Variants in ATIC observed in about 807,000 individuals in gnomAD.
The protein encoded by ATIC is 5-aminoimidazole-4-carboxamide ribonucleotide formyltransferase/IMP cyclohydrolase.
Under a neutral mutation model 72.5 loss-of-function variants are expected in ATIC, and 64 were observed. That is an observed-to-expected ratio of 0.88 (90% CI 0.72 to 1.09). The LOEUF is 1.09. ATIC is among the 50% of genes least tolerant of loss of function. The pLI, the probability that ATIC is intolerant of heterozygous loss-of-function variation, is 0.00. For missense variants in ATIC, 787 were observed against 732.4 expected (o/e 1.07, Z -0.86); for synonymous variants, 281 against 267.1 (o/e 1.05, Z -0.51).
chr2:215,316,738 T>C (rs1012712866), intron 2 of ATIC, among the ~76,000 whole-genome samples: 2 of 152,190 alleles, frequency 1.3e-5, no homozygotes, highest in African/African-American at 4.8e-5. Context: ...GATGCAGTTT[T>C]GCTTCCTGCT....
chr2:215,347,189 G>A (rs1294163059), intron 14 of ATIC: 2 of 507,164 alleles, frequency 3.9e-6, no homozygotes, highest in Non-Finnish European at 7.1e-6. Context: ...CAGCCTTGGT[G>A]TAGGTTTGTA....
chr2:215,343,131 T>A (rs2053037367), intron 12 of ATIC, among the ~76,000 whole-genome samples: 1 of 152,080 alleles, frequency 6.6e-6, no homozygotes, highest in Non-Finnish European at 1.5e-5. Flanking sequence ...TGTCTCTGCA[T>A]CCTTACTAGC....
chr2:215,319,614 A>T, intron 3 of ATIC, 51 bp from the exon 4 acceptor site: 1 of 1,316,238 alleles, frequency 7.6e-7, no homozygotes, highest in Non-Finnish European at 1.1e-6. Context: ...ACATTCCTTA[A>T]TCTGACTTGT....
In ATIC at chr2:215,347,688, T is replaced by A. The variant is rs1469115989; in HGVS notation, c.1503+747T>A. The A allele has an allele frequency of 4.4e-5, 21 of 479,838 alleles. No homozygotes were observed. In the Admixed American group the frequency reaches 5.0e-4, roughly 11 times the overall value. 29.7% of individuals were successfully genotyped at this position (479,838 alleles called of 1,614,324 possible). ...GAATGTAACTGAAGTCCTTAAGATATCTTTTTTTTTTCAACTTTGATACTT... is the reference window on the plus strand; with the variant it reads ...GAATGTAACTGAAGTCCTTAAGATAACTTTTTTTTTTCAACTTTGATACTT... On this transcript the variant is annotated intron_variant, in intron 14 of 15. Transcript: ENST00000236959.
At chr2:215,347,599 C>CT (rs972014577) in intron 14 of ATIC, 46 of 490,950 alleles carry the variant, frequency 9.4e-5, no homozygotes, top group Middle Eastern at 9.1e-4. Context: ...AGCCAATTGA[C>CT]TACCCTCAGT....
intron 7 of ATIC, among the ~76,000 whole-genome samples, chr2:215,329,870 T>G (rs2052870956): frequency 6.6e-6 from 1 of 152,038 alleles, no homozygotes; most frequent in Non-Finnish European, 1.5e-5. Context: ...TCAAGTGATC[T>G]CCTGCCTCAG....
intron 1 of ATIC, 126 bp downstream of exon 1, chr2:215,312,287 C>A: frequency 6.9e-7 from 1 of 1,444,498 alleles, no homozygotes; most frequent in Non-Finnish European, 9.1e-7. Context: ...GCCAGCGTCC[C>A]CGCTCCCCGG....
intron 7 of ATIC, 66 bp from the exon 8 acceptor site, chr2:215,332,316 G>A: frequency 1.3e-6 from 2 of 1,599,878 alleles, no homozygotes; most frequent in South Asian, 1.1e-5. Flanking sequence ...ATTTTTTTGA[G>A]AAGTGTGCAT....
At position 215,338,857 on chromosome 2, in the gene ATIC, GGTGTC is replaced by G. The variant is rs1320892170; in HGVS notation, c.1180_1184del (p.Val394ArgfsTer6). 2.5e-6 allele frequency: 4 copies of G among 1,613,674 alleles called. No homozygotes were observed. In the African/African-American group the frequency reaches 5.3e-5, roughly 22 times the overall value. ...TCATTTAAGCCAGAAGAGAAATAAT[GGTGTC>G]GTCGACAAGTCATTATTTAGCAATG... On this transcript the variant is annotated frameshift_variant, in exon 12 of 16. Coordinates refer to ENST00000236959, the MANE Select transcript of ATIC (RefSeq NM_004044.7). LOFTEE classifies it high-confidence loss of function.
intron 4 of ATIC, among the ~76,000 whole-genome samples, chr2:215,320,582 A>AATTTAATTTTATTTTGAG (rs2052756043): frequency 6.6e-6 from 1 of 151,950 alleles, no homozygotes; most frequent in African/African-American, 2.4e-5. Context: ...TTCTTAATTT[A>AATTTAATTTTATTTTGAG]ATTTAATTTT....
At chr2:215,345,120 G>A (rs2053058892) in intron 13 of ATIC, 2 of 534,156 alleles carry the variant, frequency 3.7e-6, no homozygotes, top group Non-Finnish European at 6.8e-6. Context: ...GGCACATTTT[G>A]GATTAGTGAG....
At chr2:215,323,529 T>A (rs2052792090) in intron 4 of ATIC, among the ~76,000 whole-genome samples, 1 of 152,244 alleles carries the variant, frequency 6.6e-6, no homozygotes, top group Non-Finnish European at 1.5e-5. Flanking sequence ...TATATTTTAA[T>A]ACAATTGATT....
Position 215,349,177 on chromosome 2 carries a change from G to A in ATIC, c.1587G>A (p.Glu529=). The A allele has an allele frequency of 6.2e-7, 1 of 1,614,150 alleles. No individual in the cohort carries two copies. The highest frequency in any genetic ancestry group is 8.5e-7 in the Non-Finnish European group (1 of 1,180,016). Residue 529 remains glutamate (E), a synonymous_variant, in exon 15 of 16, where the codon GAG becomes GAA. Coordinates refer to ENST00000236959, the MANE Select transcript of ATIC (RefSeq NM_004044.7). Reference sequence around the variant, plus strand: ...AGGCAGAGAAGAAGGAATGGGTTGAGAAACTGACTGAAGTTTCTATCAGCT... The same window carrying A: ...AGGCAGAGAAGAAGGAATGGGTTGAAAAACTGACTGAAGTTTCTATCAGCT... The part of the protein sequence containing the change: ...LTEAEKKEWV[E]KLTEVSISSD...
chr2:215,361,986 G>T, the ATIC span: 1 of 1,612,590 alleles, frequency 6.2e-7, no homozygotes, highest in Non-Finnish European at 8.5e-7. Flanking sequence ...GTTCTCTGAT[G>T]GTATCTCTGA....
the ATIC span, chr2:215,365,531 C>A: frequency 6.2e-7 from 1 of 1,614,136 alleles, no homozygotes; most frequent in Non-Finnish European, 8.5e-7. Context: ...TTCTCCTTTT[C>A]CGTTCCCAAG....
chr2:215,351,244 C>T (rs1489075330), downstream of ATIC, among the ~76,000 whole-genome samples: 1 of 152,230 alleles, frequency 6.6e-6, no homozygotes, highest in African/African-American at 2.4e-5. Context: ...TCCCAGGCAA[C>T]ATCTGGCTTC....
Position 215,314,646 on chromosome 2 carries a change from C to T in ATIC, c.146+2022C>T, listed in dbSNP as rs185513799. 9.7e-3 allele frequency among the ~76,000 whole-genome samples: 1,469 copies of T among 152,150 alleles called. 11 individuals carry two copies. The highest frequency in any genetic ancestry group is 0.012 in the Non-Finnish European group (825 of 68,002). On this transcript the variant is annotated intron_variant, in intron 2 of 15. Transcript: ENST00000236959. ...CCCAAGTAGCTAGGATTACAGGCGC[C>T]CGCCACCACGCCTGGCTAATTTTTT... is the stretch of plus-strand genomic sequence containing the variant.
rs755898039 is a variant in ATIC at position 215,336,111 on chromosome 2, A to T, written c.1085A>T (p.Tyr362Phe). 1 of 1,611,576 alleles carries T rather than the reference A, an allele frequency of 6.2e-7. No homozygotes were observed. The highest frequency in any genetic ancestry group is 8.5e-7 in the Non-Finnish European group (1 of 1,177,830). The change falls in exon 11 of 16, where the codon TAT becomes TTT. Residue 362 changes from tyrosine (Y) to phenylalanine (F), a missense_variant. Coordinates refer to ENST00000236959, the MANE Select transcript of ATIC (RefSeq NM_004044.7). ...CTTTCCAAAAAGAAAAATGGAAACT[A>T]TTGTGTCCTTCAGGTGAGTGCAATT... ...TILSKKKNGN[Y>F]CVLQMDQSYK...
At chr2:215,320,489 G>T (rs369231686) in intron 4 of ATIC, among the ~76,000 whole-genome samples, 6 of 152,324 alleles carry the variant, frequency 3.9e-5, no homozygotes, top group African/African-American at 4.8e-5. Context: ...GAAAGCAGAG[G>T]GGGAGCTGGC....
Sources: gnomAD v4.1 joint callset for allele counts (sites outside exome capture counted in the v4.1 genomes callset) on GRCh38, gnomAD v4.1.1 for gene constraint, MANE v1.5 for transcripts, NCBI Gene and HGNC (gene_info 2026-07-23, HGNC 2026-07-21) for gene names.